DPP4: variants seen among roughly 807,000 people sequenced by gnomAD.
The protein encoded by DPP4 is ADCP-2.
A neutral mutation model predicts 122.4 loss-of-function variants in DPP4; 93 were observed. That is an observed-to-expected ratio of 0.76 (90% confidence interval 0.64 to 0.90). The LOEUF is 0.90. Among genes scored for constraint, DPP4 ranks in the 40% least tolerant of loss-of-function variants. DPP4 has a pLI of 0.00. For synonymous variants in DPP4, 321 were observed against 302.9 expected (o/e 1.06, Z -0.62); for missense variants, 914 against 907.3 (o/e 1.01, Z -0.09).
At chr2:162,067,267 A>G (rs974971617) in intron 2 of DPP4, among the ~76,000 whole-genome samples, 14 of 152,166 alleles carry the variant, frequency 9.2e-5, no homozygotes, top group Non-Finnish European at 1.9e-4. Context: ...ACAAGAAAAG[A>G]GGGTTCCAGC....
intron 25 of DPP4, 74 bp downstream of exon 25, chr2:161,994,887 A>T: frequency 6.9e-7 from 1 of 1,443,850 alleles, no homozygotes; most frequent in Non-Finnish European, 9.7e-7. Flanking sequence ...GGCACTGCTA[A>T]AAGAATTAGC....
intron 7 of DPP4, among the ~76,000 whole-genome samples, 176 bp downstream of exon 7, chr2:162,038,773 G>A (rs1683878933): frequency 6.6e-6 from 1 of 152,108 alleles, no homozygotes; most frequent in African/African-American, 2.4e-5. Flanking sequence ...GAAGGCAGTT[G>A]CATTCTGGAA....
chr2:162,005,863 C>A (rs41268647), intron 22 of DPP4, 54 bp from the exon 23 acceptor site: 3 of 1,474,254 alleles, frequency 2.0e-6, no homozygotes, highest in Non-Finnish European at 2.8e-6. Context: ...AACAACTTTT[C>A]TTGCTTTTAA....
chr2:162,025,908 C>T (rs1444556866), intron 10 of DPP4, among the ~76,000 whole-genome samples: 1 of 152,158 alleles, frequency 6.6e-6, no homozygotes, highest in Non-Finnish European at 1.5e-5. Context: ...CTTGCCCTCT[C>T]CTTCACAGGC....
chr2:162,013,391 T>C (rs557682877), intron 19 of DPP4, among the ~76,000 whole-genome samples: 1 of 152,260 alleles, frequency 6.6e-6, no homozygotes, highest in East Asian at 1.9e-4. Flanking sequence ...AGAAATCAGA[T>C]AACACATCTG....
chr2:162,038,607 A>C (rs1392396723), intron 7 of DPP4, among the ~76,000 whole-genome samples, 185 bp from the exon 8 acceptor site: 1 of 152,136 alleles, frequency 6.6e-6, no homozygotes, highest in East Asian at 1.9e-4. Context: ...CTATAATCCC[A>C]AAATAATCCT....
At chr2:161,995,944 T>C (rs1354064048) in intron 23 of DPP4, among the ~76,000 whole-genome samples, 1 of 152,090 alleles carries the variant, frequency 6.6e-6, no homozygotes, top group Non-Finnish European at 1.5e-5. Flanking sequence ...ATGTAACATA[T>C]GGGAGGGGAA....
chr2:162,051,710 G>A (rs1209568729), intron 2 of DPP4, among the ~76,000 whole-genome samples: 2 of 152,186 alleles, frequency 1.3e-5, no homozygotes, highest in Non-Finnish European at 2.9e-5. Flanking sequence ...GAAAAATCAA[G>A]GAGGTAAAAG....
chr2:161,997,009 C>A (rs1340861066), intron 23 of DPP4, among the ~76,000 whole-genome samples: 4 of 152,260 alleles, frequency 2.6e-5, no homozygotes, highest in Non-Finnish European at 1.5e-5. Flanking sequence ...TGTGAGAATT[C>A]TTTAACAGTG....
At chr2:162,005,518 C>T in intron 23 of DPP4, 1 of 380,700 alleles carries the variant, frequency 2.6e-6, no homozygotes, top group Admixed American at 4.1e-5. Context: ...CTTTGTATTT[C>T]TAAATGAATG....
intron 2 of DPP4, among the ~76,000 whole-genome samples, chr2:162,053,777 G>A (rs1045838589): frequency 6.6e-6 from 1 of 152,238 alleles, no homozygotes; most frequent in Non-Finnish European, 1.5e-5. Flanking sequence ...CACAAGCATG[G>A]GGACATGGCT....
At chr2:162,036,221 A>G (rs960734567) in intron 8 of DPP4, among the ~76,000 whole-genome samples, 1 of 152,218 alleles carries the variant, frequency 6.6e-6, no homozygotes, top group African/African-American at 2.4e-5. Flanking sequence ...CATAGAAACT[A>G]GAATCTTAGG....
intron 2 of DPP4, among the ~76,000 whole-genome samples, chr2:162,054,548 G>A (rs1042021052): frequency 6.6e-6 from 1 of 152,152 alleles, no homozygotes; most frequent in African/African-American, 2.4e-5. Flanking sequence ...ATATTAAGAG[G>A]TGGAACCATT....
intron 5 of DPP4, among the ~76,000 whole-genome samples, chr2:162,040,020 A>C (rs757837704): frequency 2.3e-4 from 35 of 152,106 alleles, no homozygotes; most frequent in Non-Finnish European, 3.7e-4. Context: ...AGGCTATTAT[A>C]AACATTTTTT....
At chr2:162,034,200 A>G (rs893665593) in intron 9 of DPP4, among the ~76,000 whole-genome samples, 1 of 152,088 alleles carries the variant, frequency 6.6e-6, no homozygotes, top group Non-Finnish European at 1.5e-5. Flanking sequence ...TACAATCAAT[A>G]TTATGACTGA....
chr2:162,073,833 C>G, intron 1 of DPP4, 143 bp downstream of exon 1: 1 of 1,134,514 alleles, frequency 8.8e-7, no homozygotes. Context: ...CTGGGACGTC[C>G]CTTCACCTGT....
chr2:162,002,794 A>G (rs1284360758), intron 23 of DPP4, among the ~76,000 whole-genome samples: 2 of 152,174 alleles, frequency 1.3e-5, no homozygotes, highest in Non-Finnish European at 2.9e-5. Context: ...CTTTGAATGT[A>G]TTCCTGCCAG....
intron 2 of DPP4, among the ~76,000 whole-genome samples, chr2:162,057,801 C>G (rs1576070562): frequency 6.6e-6 from 1 of 152,052 alleles, no homozygotes; most frequent in Admixed American, 6.5e-5. Flanking sequence ...GAGACAGAGT[C>G]TTACTCTGTC....
chr2:162,067,220 A>T (rs2106159309), intron 2 of DPP4, among the ~76,000 whole-genome samples: 1 of 152,332 alleles, frequency 6.6e-6, no homozygotes, highest in Admixed American at 6.5e-5. Flanking sequence ...TATGGACATG[A>T]GTTTGAGCAG....
Sources: allele counts gnomAD v4.1 joint callset (sites outside exome capture counted in the v4.1 genomes callset), GRCh38; gene constraint gnomAD v4.1.1; transcripts MANE v1.5; gene names NCBI Gene and HGNC (gene_info 2026-07-23, HGNC 2026-07-21).